The following SLC6A6 variants were observed in gnomAD, a reference collection of about 807,000 sequenced individuals.
The protein encoded by SLC6A6 is sodium- and chloride-dependent taurine transporter.
SLC6A6 carries 16 observed loss-of-function variants against 68.8 expected under a neutral mutation model. The observed-to-expected ratio is 0.23, with a 90% CI of 0.16 to 0.35. SLC6A6 has a LOEUF of 0.35. SLC6A6 is among the 10% of genes least tolerant of loss of function. SLC6A6 has a pLI of 1.00. For synonymous variants in SLC6A6, 312 were observed against 315.4 expected (o/e 0.99, Z 0.12); for missense variants, 474 against 802.8 (o/e 0.59, Z 4.95).
chr3:14,458,119 G>A, intron 6 of SLC6A6, 37 bp downstream of exon 6: 1 of 1,603,734 alleles, frequency 6.2e-7, no homozygotes, highest in Non-Finnish European at 8.5e-7. Context: ...GCCTCCTGGA[G>A]AGCTGTGCCA....
In SLC6A6 at chr3:14,477,194, C is replaced by T. The variant is rs1352379827; in HGVS notation, c.1210-11C>T. 1.9e-6 allele frequency: 3 copies of T among 1,608,556 alleles called. No homozygotes were observed. The highest frequency in any genetic ancestry group is 2.6e-6 in the Non-Finnish European group (3 of 1,176,376). On this transcript the variant is annotated splice_polypyrimidine_tract_variant and intron_variant, in intron 10 of 14. Coordinates refer to ENST00000622186, the MANE Select transcript of SLC6A6 (RefSeq NM_003043.6). This position sits in a 1 kb window ranked among gnomAD's most constrained non-coding sequence, Gnocchi z 4.2. ...CAGCCGCTCACCAGCTCTCTCTCTT[C>T]CCCTCCTCAGTTTGTTGAAGTTGAA...
intron 7 of SLC6A6, among the ~76,000 whole-genome samples, chr3:14,467,379 C>G (rs1266676607): frequency 6.6e-6 from 1 of 152,184 alleles, no homozygotes. Context: ...CTTCTGCATT[C>G]TAACTCGGGG....
intron 2 of SLC6A6, among the ~76,000 whole-genome samples, chr3:14,417,286 A>G (rs1010151601): frequency 6.6e-6 from 1 of 152,248 alleles, no homozygotes; most frequent in Non-Finnish European, 1.5e-5. Flanking sequence ...AGATTTTCCC[A>G]TGGGTAACAT....
At chr3:14,427,517 A>G (rs1320599768) in intron 2 of SLC6A6, among the ~76,000 whole-genome samples, 2 of 152,188 alleles carry the variant, frequency 1.3e-5, no homozygotes, top group Non-Finnish European at 2.9e-5. Flanking sequence ...AACTCTGGGC[A>G]TCAAGTTGTT....
intron 14 of SLC6A6, among the ~76,000 whole-genome samples, chr3:14,482,680 G>A (rs974367341): frequency 6.6e-6 from 1 of 152,156 alleles, no homozygotes; most frequent in Non-Finnish European, 1.5e-5. Context: ...TGGTGCTGGT[G>A]GCAGGGGAGG....
chr3:14,452,991 G>A (rs559923477), intron 5 of SLC6A6, among the ~76,000 whole-genome samples: 1 of 152,338 alleles, frequency 6.6e-6, no homozygotes, highest in South Asian at 2.1e-4. Flanking sequence ...AAAGAAATGA[G>A]TCATATTTGC....
At chr3:14,438,166 A>T (rs116113223) in intron 2 of SLC6A6, among the ~76,000 whole-genome samples, 3 of 151,922 alleles carry the variant, frequency 2.0e-5, no homozygotes, top group African/African-American at 7.3e-5. Context: ...TTTTTAAAAC[A>T]AACACAGGGT....
chr3:14,417,592 CGTG>C (rs1215139674), intron 2 of SLC6A6, among the ~76,000 whole-genome samples: 1 of 152,120 alleles, frequency 6.6e-6, no homozygotes, highest in Non-Finnish European at 1.5e-5. Flanking sequence ...ATTAGCCAGA[CGTG>C]GTGGCGGGCG....
At chr3:14,435,788 G>C (rs1353462859) in intron 2 of SLC6A6, among the ~76,000 whole-genome samples, 1 of 152,216 alleles carries the variant, frequency 6.6e-6, no homozygotes, top group East Asian at 1.9e-4. Flanking sequence ...ATGTGTGTGT[G>C]CATATAAACC....
intron 14 of SLC6A6, 34 bp from the exon 15 acceptor site, chr3:14,484,833 C>T (rs369975575): frequency 9.3e-6 from 15 of 1,604,422 alleles, no homozygotes; most frequent in East Asian, 2.2e-5. Flanking sequence ...GGCCGCCTGA[C>T]GTTTCCCCCC....
intron 9 of SLC6A6, among the ~76,000 whole-genome samples, chr3:14,469,760 CTTCTT>C (rs1413350014): frequency 1.3e-5 from 2 of 152,140 alleles, no homozygotes; most frequent in African/African-American, 4.8e-5. Context: ...TCCTCACTGT[CTTCTT>C]TGCTTGGCAG....
In SLC6A6 at chr3:14,466,509, C is replaced by G; in HGVS notation, c.733-7C>G. 1.2e-6 allele frequency: 2 copies of G among 1,609,248 alleles called. No homozygotes were observed. The highest frequency in any genetic ancestry group is 1.7e-6 in the Non-Finnish European group (2 of 1,176,828). On this transcript the variant is annotated splice_region_variant and splice_polypyrimidine_tract_variant and intron_variant, in intron 6 of 14. Transcript: ENST00000622186. ...CATGGCCTCCTGAATCCCTCTCGCC[C>G]TTGCAGGTCGTCTACTTCACAGCCA...
rs1235418478 is a variant in SLC6A6 at position 14,437,288 on chromosome 3, C to T, written c.-11-6336C>T. 3.3e-5 allele frequency among the ~76,000 whole-genome samples: 5 copies of T among 151,984 alleles called. No homozygotes were observed. The East Asian group carries it at 5.8e-4, about 18-fold the overall frequency. On this transcript the variant is annotated intron_variant, in intron 2 of 14. Transcript: ENST00000622186. ...TTGTTTTTTTTTGGAGACAGGGTCT[C>T]GCTCTGTCACCCAGGCTGGAGTGCA...
chr3:14,467,452 C>G (rs1700647181), intron 7 of SLC6A6, among the ~76,000 whole-genome samples: 1 of 152,204 alleles, frequency 6.6e-6, no homozygotes, highest in African/African-American at 2.4e-5. Flanking sequence ...TGCCATGTAA[C>G]TGGCACTGGG....
chr3:14,457,067 T>C (rs1417231896), intron 5 of SLC6A6, among the ~76,000 whole-genome samples: 1 of 152,214 alleles, frequency 6.6e-6, no homozygotes, highest in East Asian at 1.9e-4. Context: ...TGGCCTGCTT[T>C]CAGATGCTGT....
intron 5 of SLC6A6, among the ~76,000 whole-genome samples, chr3:14,448,790 T>G (rs564554574): frequency 6.6e-6 from 1 of 152,330 alleles, no homozygotes; most frequent in African/African-American, 2.4e-5. Context: ...TTGAGTGAGC[T>G]GATGTGTGGA....
chr3:14,443,612 T>C lies in SLC6A6; in HGVS notation c.-11-12T>C. ...CATCAGCTGCAGGATGCTTCTCTTT[T>C]GTCCCCCATAGAAAGCAAGGAGATG... On this transcript the variant is annotated splice_polypyrimidine_tract_variant and intron_variant, in intron 2 of 14. Coordinates refer to ENST00000622186, the MANE Select transcript of SLC6A6 (RefSeq NM_003043.6). 2 of 1,551,124 alleles carry C rather than the reference T, an allele frequency of 1.3e-6. No individual in the cohort carries two copies. The highest frequency in any genetic ancestry group is 4.5e-5 in the East Asian group (2 of 44,322).
intron 2 of SLC6A6, among the ~76,000 whole-genome samples, chr3:14,437,867 G>T (rs916978642): frequency 6.7e-6 from 1 of 150,200 alleles, no homozygotes; most frequent in African/African-American, 2.5e-5. Context: ...TTGCTCTGTC[G>T]CCCAGGCTAG....
chr3:14,467,754 C>T lies in SLC6A6; in HGVS notation c.868-99C>T, dbSNP rs539101853. The T allele has an allele frequency of 4.2e-5, 29 of 689,998 alleles. No homozygotes were observed. The Admixed American group carries it at 6.6e-4, about 16-fold the overall frequency. The allele number at this position is 689,998 out of a possible 1,614,324, so 42.7% of individuals were successfully genotyped here. On this transcript the variant is annotated intron_variant, in intron 7 of 14. Transcript: ENST00000622186. ...ATTTGCATGTGCAAGGTCCCGTCCC[C>T]AGGCCATCGCCAGGTGGACATAACC...
Sources: gnomAD v4.1 joint callset for allele counts (sites outside exome capture counted in the v4.1 genomes callset) on GRCh38, gnomAD v4.1.1 for gene constraint, Gnocchi (gnomAD v3.1) non-coding constraint, MANE v1.5 for transcripts, NCBI Gene and HGNC (gene_info 2026-07-23, HGNC 2026-07-21) for gene names.